The following CHIC1 variants were observed in gnomAD, a reference collection of about 807,000 sequenced individuals.
CHIC1 encodes the protein cysteine rich hydrophobic domain 1.
Under a neutral mutation model 18.5 loss-of-function variants are expected in CHIC1, and 7 were observed. The observed-to-expected ratio is 0.38, with a 90% CI of 0.22 to 0.71. The LOEUF (loss-of-function observed/expected upper bound fraction) is 0.71, where lower values mean the gene tolerates loss of function less well. Among genes scored for constraint, CHIC1 ranks in the 30% least tolerant of loss-of-function variants. The pLI is 0.49. For missense variants in CHIC1, 159 were observed against 176.9 expected, an observed-to-expected ratio of 0.90 and a Z score of 0.57; for synonymous variants, 77 against 73.5, an observed-to-expected ratio of 1.05 and a Z score of -0.25.
intron 3 of CHIC1, among the ~76,000 whole-genome samples, chrX:73,630,564 A>G (rs2057802364): frequency 9.0e-6 from 1 of 111,608 alleles, no homozygotes; most frequent in Non-Finnish European, 1.9e-5. Context: ...ATGTTGACCC[A>G]TCCTTGCATT....
chrX:73,574,186 AT>A (rs1267843226), intron 1 of CHIC1, among the ~76,000 whole-genome samples: 3 of 110,469 alleles, frequency 2.7e-5, no homozygotes, highest in African/African-American at 6.5e-5. Context: ...TAAGATGATC[AT>A]TTTTTGTTCG....
intron 2 of CHIC1, among the ~76,000 whole-genome samples, chrX:73,579,563 C>G (rs758226867): frequency 9.0e-6 from 1 of 110,582 alleles, no homozygotes; most frequent in Non-Finnish European, 1.9e-5. Context: ...CCTTTTCTGT[C>G]TCTCCTGAGG....
At chrX:73,617,963 C>A (rs912028410) in intron 3 of CHIC1, among the ~76,000 whole-genome samples, 1 of 111,776 alleles carries the variant, frequency 8.9e-6, no homozygotes, top group Admixed American at 9.5e-5. Context: ...TTCTTTTGTC[C>A]CATGGGGTGC....
intron 2 of CHIC1, 33 bp from the exon 3 acceptor site, chrX:73,584,384 C>T: frequency 8.8e-7 from 1 of 1,131,649 alleles, no homozygotes; most frequent in Non-Finnish European, 1.2e-6. Flanking sequence ...GAAAAGCTGC[C>T]CACAAACTGT....
chrX:73,664,793 G>A (rs978279891), intron 3 of CHIC1, among the ~76,000 whole-genome samples: 2 of 111,044 alleles, frequency 1.8e-5, no homozygotes, highest in African/African-American at 6.6e-5. Context: ...CATAGCAGTG[G>A]TTGTGTCTCG....
intron 3 of CHIC1, among the ~76,000 whole-genome samples, chrX:73,614,736 A>G (rs746301864): frequency 3.6e-5 from 4 of 110,404 alleles, no homozygotes; most frequent in South Asian, 3.8e-4. Flanking sequence ...TATGGTATCT[A>G]TCTCTTCAAT....
At position 73,672,373 on chromosome X, in the gene CHIC1, A is replaced by C. The variant is rs760148717; in HGVS notation, c.508-6953A>C. 2.8e-3 allele frequency among the ~76,000 whole-genome samples: 315 copies of C among 111,574 alleles called. 1 individual carries two copies. The highest frequency in any genetic ancestry group is 9.9e-3 in the African/African-American group (303 of 30,677). On this transcript the variant is annotated intron_variant, in intron 3 of 5. Coordinates refer to ENST00000373502, the MANE Select transcript of CHIC1 (RefSeq NM_001039840.4). ...ACTTCCACAATGGTTGAACTAGTTTACAGTCCCACCAACAGTGTAAAAGTG... is the reference window on the plus strand; with the variant it reads ...ACTTCCACAATGGTTGAACTAGTTTCCAGTCCCACCAACAGTGTAAAAGTG...
intron 3 of CHIC1, among the ~76,000 whole-genome samples, chrX:73,617,213 A>G (rs1401996149): frequency 8.9e-6 from 1 of 112,055 alleles, no homozygotes; most frequent in East Asian, 2.8e-4. Flanking sequence ...TTGCTAAAAC[A>G]TAGCAAGAGT....
At chrX:73,600,817 C>T (rs1415395630) in intron 3 of CHIC1, among the ~76,000 whole-genome samples, 1 of 106,649 alleles carries the variant, frequency 9.4e-6, no homozygotes, top group Non-Finnish European at 1.9e-5. Flanking sequence ...AAACCCATCT[C>T]ACGTGCAGAG....
chrX:73,563,310 C>T lies in CHIC1; in HGVS notation c.26C>T (p.Ala9Val), dbSNP rs2057424876. 8.8e-7 allele frequency: 1 copy of T among 1,132,362 alleles called. No homozygotes were observed. The highest frequency in any genetic ancestry group is 1.2e-6 in the Non-Finnish European group (1 of 854,582). 93.3% of individuals were successfully genotyped at this position (1,132,362 alleles called of 1,213,427 possible). The change falls in exon 1 of 6, where the codon GCG becomes GTG. Residue 9 changes from alanine to valine, a missense_variant. Physicochemically the swap from Ala to Val is moderately conservative, Grantham distance 64. Transcript: ENST00000373502. MSILLPNM[A>V]EFDTISELEE... is the part of the protein sequence containing the mutation. ...ATGAGCATCCTGCTGCCCAACATGG[C>T]GGAGTTCGACACCATCTCGGAACTG...
intron 5 of CHIC1, among the ~76,000 whole-genome samples, chrX:73,679,953 A>G (rs1210415563): frequency 8.9e-6 from 1 of 111,761 alleles, no homozygotes; most frequent in Admixed American, 9.5e-5. Context: ...AAAACATTGT[A>G]CAACCTTAAT....
At chrX:73,676,483 C>T (rs1389808393) in intron 3 of CHIC1, among the ~76,000 whole-genome samples, 5 of 111,544 alleles carry the variant, frequency 4.5e-5, no homozygotes, top group Admixed American at 9.5e-5. Context: ...TCATTCATTT[C>T]GTCTTCCATC....
intron 3 of CHIC1, among the ~76,000 whole-genome samples, chrX:73,671,683 A>T (rs1330480368): frequency 9.2e-6 from 1 of 109,273 alleles, no homozygotes; most frequent in Non-Finnish European, 1.9e-5. Context: ...CCTGAGTTTT[A>T]AATCTTGTTT....
At chrX:73,675,911 T>G (rs1016027161) in intron 3 of CHIC1, among the ~76,000 whole-genome samples, 1 of 110,448 alleles carries the variant, frequency 9.1e-6, no homozygotes, top group Non-Finnish European at 1.9e-5. Flanking sequence ...TCAGGAGCTC[T>G]TTTAGGGCAG....
intron 3 of CHIC1, among the ~76,000 whole-genome samples, chrX:73,660,342 T>A (rs2057973531): frequency 8.9e-6 from 1 of 111,829 alleles, no homozygotes; most frequent in Admixed American, 9.5e-5. Context: ...GGGGTAAATC[T>A]ATTCCTCCTA....
intron 3 of CHIC1, among the ~76,000 whole-genome samples, chrX:73,587,627 A>G (rs764230326): frequency 1.9e-4 from 21 of 111,566 alleles, no homozygotes; most frequent in Admixed American, 4.8e-4. Flanking sequence ...TTATAAAAAG[A>G]AGGAAAAGCA....
chrX:73,656,636 C>G (rs2057950547), intron 3 of CHIC1, among the ~76,000 whole-genome samples: 1 of 111,729 alleles, frequency 9.0e-6, no homozygotes, highest in Non-Finnish European at 1.9e-5. Context: ...GTTCTGGGTT[C>G]TCTATTCTGT....
chrX:73,644,865 G>A (rs1022458357), intron 3 of CHIC1, among the ~76,000 whole-genome samples: 10 of 111,506 alleles, frequency 9.0e-5, no homozygotes, highest in African/African-American at 2.0e-4. Flanking sequence ...TCCAGGTGCC[G>A]TCTGTCATCC....
At chrX:73,598,967 A>G (rs1371448370) in intron 3 of CHIC1, among the ~76,000 whole-genome samples, 3 of 106,595 alleles carry the variant, frequency 2.8e-5, no homozygotes, top group African/African-American at 1.0e-4. Flanking sequence ...AAGTGTTCCT[A>G]TTTCTCCACA....
Sources: allele counts gnomAD v4.1 joint callset (sites outside exome capture counted in the v4.1 genomes callset), GRCh38; gene constraint gnomAD v4.1.1; transcripts MANE v1.5; gene names NCBI Gene and HGNC (gene_info 2026-07-23, HGNC 2026-07-21).